The following COG5 variants were observed in gnomAD, a reference collection of about 807,000 sequenced individuals.
COG5 encodes conserved oligomeric Golgi complex subunit 5.
A neutral mutation model predicts 110.4 loss-of-function variants in COG5; 86 were observed. That is an observed-to-expected ratio of 0.78 (90% CI 0.65 to 0.93). COG5 has a LOEUF of 0.93. Ranked by LOEUF, COG5 falls within the 40% of genes least tolerant of loss-of-function variation. The pLI is 0.00. For missense variants in COG5, 1,077 were observed against 987.0 expected (o/e 1.09, Z -1.22); for synonymous variants, 360 against 334.6 (o/e 1.08, Z -0.83).
intron 6 of COG5, among the ~76,000 whole-genome samples, chr7:107,490,998 T>C (rs984666717): frequency 6.6e-6 from 1 of 152,160 alleles, no homozygotes; most frequent in Non-Finnish European, 1.5e-5. Context: ...CAAAGTCATT[T>C]ACCCTCAGTA....
intron 5 of COG5, among the ~76,000 whole-genome samples, chr7:107,541,521 AAAAT>A (rs1563091296): frequency 5.1e-5 from 3 of 58,980 alleles, no homozygotes; most frequent in Non-Finnish European, 1.1e-4. Flanking sequence ...AAAAAAAAAA[AAAAT>A]ATATATATAT....
intron 12 of COG5, among the ~76,000 whole-genome samples, chr7:107,295,329 AG>A (rs1314376425): frequency 1.3e-5 from 2 of 151,620 alleles, no homozygotes; most frequent in Non-Finnish European, 2.9e-5. Flanking sequence ...CACACTATTT[AG>A]ATCTCAGGTC....
At chr7:107,420,933 A>G (rs1793243456) in intron 6 of COG5, among the ~76,000 whole-genome samples, 1 of 152,206 alleles carries the variant, frequency 6.6e-6, no homozygotes, top group African/African-American at 2.4e-5. Context: ...GGAAATTTAG[A>G]ATCAAAAGTC....
intron 12 of COG5, among the ~76,000 whole-genome samples, chr7:107,293,734 T>C (rs542325873): frequency 2.6e-5 from 4 of 152,170 alleles, no homozygotes; most frequent in Admixed American, 2.6e-4. Flanking sequence ...TCTCCATATA[T>C]AACTTCCCTA....
chr7:107,319,514 C>T (rs920648400), intron 11 of COG5, among the ~76,000 whole-genome samples: 1 of 152,092 alleles, frequency 6.6e-6, no homozygotes, highest in Non-Finnish European at 1.5e-5. Context: ...TAGAAAGCTG[C>T]GGTGATTTTA....
At chr7:107,560,868 A>G (rs1384860660) in intron 1 of COG5, among the ~76,000 whole-genome samples, 2 of 152,346 alleles carry the variant, frequency 1.3e-5, no homozygotes, top group African/African-American at 4.8e-5. Flanking sequence ...TAGTTTTATA[A>G]TTCAGAAGAC....
At position 107,201,941 on chromosome 7, in the gene COG5, T is replaced by A. The variant is rs1798350592; in HGVS notation, c.*1575A>T. Reference sequence around the variant, plus strand: ...CTGTGCCAAACATAGGCGCTCCTAGTCTGGTCAGTGCCAAGAGGCTACCAG... The same window carrying A: ...CTGTGCCAAACATAGGCGCTCCTAGACTGGTCAGTGCCAAGAGGCTACCAG... On this transcript the variant is annotated 3_prime_UTR_variant, in exon 22 of 22. Coordinates refer to ENST00000297135, the MANE Select transcript of COG5 (RefSeq NM_006348.5). 6.5e-6 allele frequency: 1 copy of A among 152,854 alleles called. No individual in the cohort carries two copies. Among genetic ancestry groups the A allele is most frequent in the African/African-American group, 2.4e-5 (1 of 41,568 alleles). The allele number at this position is 152,854 out of a possible 1,614,324, so 9.5% of individuals were successfully genotyped here.
intron 7 of COG5, among the ~76,000 whole-genome samples, chr7:107,403,176 C>G (rs113028070): frequency 2.6e-5 from 4 of 152,140 alleles, no homozygotes; most frequent in African/African-American, 9.7e-5. Context: ...ATTACACTAA[C>G]TTTCTTCTAA....
chr7:107,373,927 G>C (rs529352599), intron 7 of COG5, among the ~76,000 whole-genome samples: 1 of 152,166 alleles, frequency 6.6e-6, no homozygotes, highest in East Asian at 1.9e-4. Context: ...ACATGCTGCA[G>C]ACATACACAT....
chr7:107,250,531 G>A (rs1251424210), intron 16 of COG5, among the ~76,000 whole-genome samples: 1 of 152,014 alleles, frequency 6.6e-6, no homozygotes, highest in African/African-American at 2.4e-5. Context: ...TAAAATGCTA[G>A]GAAATTTTAT....
At chr7:107,227,482 G>A (rs905795475) in intron 19 of COG5, among the ~76,000 whole-genome samples, 2 of 152,028 alleles carry the variant, frequency 1.3e-5, no homozygotes, top group African/African-American at 2.4e-5. Flanking sequence ...GTATTAGAAG[G>A]TGTCACCCAA....
At chr7:107,227,798 T>A (rs1800465279) in intron 19 of COG5, among the ~76,000 whole-genome samples, 1 of 152,016 alleles carries the variant, frequency 6.6e-6, no homozygotes, top group African/African-American at 2.4e-5. Flanking sequence ...AACCTCCAGC[T>A]CCCGGGTTAA....
At chr7:107,485,379 A>C (rs1162995564) in intron 6 of COG5, among the ~76,000 whole-genome samples, 3 of 152,238 alleles carry the variant, frequency 2.0e-5, no homozygotes, top group African/African-American at 7.2e-5. Flanking sequence ...GTTCTGAACT[A>C]CATGATAAAA....
rs1456318272 is a variant in COG5 at position 107,421,163 on chromosome 7, A to G, written c.539-8531T>C. On this transcript the variant is annotated intron_variant, in intron 6 of 21. Coordinates refer to ENST00000297135, the MANE Select transcript of COG5 (RefSeq NM_006348.5). Reference sequence around the variant, plus strand: ...ACTGTGATACTGTTGATATGACATTATACTTTAAAAACATGAATTTAAACA... The same window carrying G: ...ACTGTGATACTGTTGATATGACATTGTACTTTAAAAACATGAATTTAAACA... Among the ~76,000 whole-genome samples, 3 of 152,172 alleles carry G rather than the reference A, an allele frequency of 2.0e-5. No homozygotes were observed. In the East Asian group the frequency reaches 5.8e-4, roughly 29 times the overall value.
intron 7 of COG5, among the ~76,000 whole-genome samples, chr7:107,375,693 T>C (rs1340403155): frequency 6.6e-6 from 1 of 152,078 alleles, no homozygotes. Flanking sequence ...CTAGTTGTTT[T>C]TTGTCATTTA....
intron 21 of COG5, among the ~76,000 whole-genome samples, chr7:107,204,879 A>T (rs1798644147): frequency 6.6e-6 from 1 of 152,204 alleles, no homozygotes; most frequent in East Asian, 1.9e-4. Context: ...TCATTTGTCA[A>T]AAAATTGGGG....
intron 19 of COG5, among the ~76,000 whole-genome samples, chr7:107,221,930 T>C (rs1228364728): frequency 6.6e-6 from 1 of 152,202 alleles, no homozygotes; most frequent in African/African-American, 2.4e-5. Context: ...AAGTTAGTTT[T>C]ATGGTTCGAA....
rs143133428 is a variant in COG5 at position 107,545,212 on chromosome 7, T to G, written c.417+2899A>C. Reference sequence around the variant, plus strand: ...AGCAGAGAGAGAAGAAAGTTTATTTTAAAAAATAATAACAAAAATTCCCCA... The same window carrying G: ...AGCAGAGAGAGAAGAAAGTTTATTTGAAAAAATAATAACAAAAATTCCCCA... On this transcript the variant is annotated intron_variant, in intron 5 of 21. Transcript: ENST00000297135. Among the ~76,000 whole-genome samples, 946 of 152,224 alleles carry G rather than the reference T, an allele frequency of 6.2e-3. 14 individuals carry two copies. Among genetic ancestry groups the G allele is most frequent in the African/African-American group, 0.022 (901 of 41,528 alleles).
intron 10 of COG5, among the ~76,000 whole-genome samples, chr7:107,328,488 A>G (rs1050398728): frequency 2.0e-5 from 3 of 152,206 alleles, no homozygotes; most frequent in African/African-American, 7.2e-5. Flanking sequence ...ATGAACCTTG[A>G]AGATGTTACA....
Sources: gnomAD v4.1 joint callset for allele counts (sites outside exome capture counted in the v4.1 genomes callset) on GRCh38, gnomAD v4.1.1 for gene constraint, MANE v1.5 for transcripts, NCBI Gene and HGNC (gene_info 2026-07-23, HGNC 2026-07-21) for gene names.